The following PCDH11Y variants were observed in gnomAD, a reference collection of about 807,000 sequenced individuals.
The protein encoded by PCDH11Y is protocadherin-11 Y-linked.
For missense variants in PCDH11Y, 12 were observed against 224.8 expected, an observed-to-expected ratio of 0.05 and a Z score of 6.05; for synonymous variants, 9 against 83.6, an observed-to-expected ratio of 0.11 and a Z score of 4.87.
At chrY:5,012,058 T>A in intron 1 of PCDH11Y, among the ~76,000 whole-genome samples, 1 of 26,486 alleles carries the variant, frequency 3.8e-5, no homozygotes, top group Non-Finnish European at 8.8e-5. Context: ...CTCAGTGAGA[T>A]AAAGGGCCAA....
At chrY:5,665,674 C>A (rs2053544193) in intron 4 of PCDH11Y, among the ~76,000 whole-genome samples, 1 of 33,302 alleles carries the variant, frequency 3.0e-5, no homozygotes, top group Non-Finnish European at 7.5e-5. Flanking sequence ...AAATGTAAAT[C>A]ATATTACTTG....
chrY:5,259,993 A>G, intron 2 of PCDH11Y, among the ~76,000 whole-genome samples: 1 of 29,005 alleles, frequency 3.4e-5, no homozygotes, highest in East Asian at 9.0e-4. Flanking sequence ...TTTTTCCTTC[A>G]GCACTTTAAA....
At chrY:5,582,495 T>C (rs2124697543) in intron 4 of PCDH11Y, among the ~76,000 whole-genome samples, 1 of 31,177 alleles carries the variant, frequency 3.2e-5, no homozygotes, top group African/African-American at 1.2e-4. Flanking sequence ...CACATTTCTT[T>C]GTTGTCCACT....
chrY:5,242,890 A>G, intron 2 of PCDH11Y, among the ~76,000 whole-genome samples: 1 of 34,009 alleles, frequency 2.9e-5, no homozygotes, highest in Admixed American at 2.7e-4. Context: ...AATCAATATT[A>G]ACATCTGCAA....
intron 3 of PCDH11Y, among the ~76,000 whole-genome samples, chrY:5,580,556 C>T: frequency 9.4e-5 from 3 of 32,042 alleles, no homozygotes; most frequent in Non-Finnish European, 1.5e-4. Context: ...TGGGGAATTG[C>T]AAAATTCTAT....
chrY:5,514,700 A>AGCACACAAGACATGT, intron 3 of PCDH11Y, among the ~76,000 whole-genome samples: 2 of 33,124 alleles, frequency 6.0e-5, no homozygotes, highest in East Asian at 7.8e-4. Flanking sequence ...TTTCTTGTGT[A>AGCACACAAGACATGT]GACATGGCAG....
chrY:5,340,486 A>T, intron 2 of PCDH11Y, among the ~76,000 whole-genome samples: 1 of 30,829 alleles, frequency 3.2e-5, no homozygotes, highest in Non-Finnish European at 7.8e-5. Flanking sequence ...ACCATCACAG[A>T]TTTCTACTAC....
chrY:5,318,743 G>T (rs2053109749), intron 2 of PCDH11Y, among the ~76,000 whole-genome samples: 1 of 30,931 alleles, frequency 3.2e-5, no homozygotes, highest in Non-Finnish European at 7.8e-5. Context: ...GTGTGTGTGT[G>T]TGTATAAACC....
At chrY:5,383,590 C>T in intron 2 of PCDH11Y, among the ~76,000 whole-genome samples, 1 of 33,175 alleles carries the variant, frequency 3.0e-5, no homozygotes, top group South Asian at 6.7e-4. Flanking sequence ...TTAAGATTGC[C>T]GAATGGTAAT....
At chrY:5,339,327 C>CATTTATTT (rs762729992) in intron 2 of PCDH11Y, among the ~76,000 whole-genome samples, 56 of 29,708 alleles carry the variant, frequency 1.9e-3, no homozygotes, top group South Asian at 7.0e-3. Flanking sequence ...CTGTCCTTTC[C>CATTTATTT]ATTTATTTAT....
intron 2 of PCDH11Y, among the ~76,000 whole-genome samples, chrY:5,165,908 G>A (rs1602878682): frequency 9.3e-5 from 3 of 32,141 alleles, no homozygotes; most frequent in African/African-American, 3.6e-4. Context: ...GAAGAAAGAC[G>A]AAATATTTTG....
At chrY:5,039,973 T>TA (rs2052604847) in intron 3 of PCDH11Y, among the ~76,000 whole-genome samples, 2 of 29,695 alleles carry the variant, frequency 6.7e-5, no homozygotes, top group South Asian at 1.6e-3. Flanking sequence ...CCATCTCTAC[T>TA]AAAAAAAAAT....
chrY:5,122,903 A>G (rs2052820231), intron 2 of PCDH11Y, among the ~76,000 whole-genome samples: 1 of 32,657 alleles, frequency 3.1e-5, no homozygotes, highest in Non-Finnish European at 7.5e-5. Flanking sequence ...AGTATGTCTT[A>G]GAATAGCTCA....
chrY:5,449,438 C>A (rs2053291056), intron 2 of PCDH11Y, among the ~76,000 whole-genome samples: 2 of 32,973 alleles, frequency 6.1e-5, no homozygotes, highest in African/African-American at 2.4e-4. Flanking sequence ...ACTCTTCATC[C>A]AACATGAGAG....
chrY:5,532,085 G>A, intron 3 of PCDH11Y, among the ~76,000 whole-genome samples: 2 of 29,537 alleles, frequency 6.8e-5, no homozygotes. Flanking sequence ...CTTACAAATT[G>A]TGATATGCTT....
Position 5,665,141 on chromosome Y carries a change from T to C in PCDH11Y, c.3353-72131T>C, listed in dbSNP as rs201650287. Among the ~76,000 whole-genome samples the C allele has an allele frequency of 1.3e-3, 44 of 32,700 alleles. No individual in the cohort carries two copies. In the East Asian group the frequency reaches 0.035, roughly 26 times the overall value. 87.7% of individuals were successfully genotyped at this position (32,700 alleles called of 37,273 possible). On this transcript the variant is annotated intron_variant, in intron 4 of 4. Transcript: ENST00000400457. Reference sequence around the variant, plus strand: ...TATCATTTTCTGCTAAATTGTATGATATGGTGTAGGGGAAGTATTATCACT... The same window carrying C: ...TATCATTTTCTGCTAAATTGTATGACATGGTGTAGGGGAAGTATTATCACT...
At chrY:5,308,818 C>T in intron 2 of PCDH11Y, among the ~76,000 whole-genome samples, 4 of 32,951 alleles carry the variant, frequency 1.2e-4, no homozygotes, top group Non-Finnish European at 3.0e-4. Flanking sequence ...CAGTGGCTAA[C>T]GCCTGTAATC....
chrY:5,716,578 T>A (rs2053590156), intron 4 of PCDH11Y, among the ~76,000 whole-genome samples: 1 of 32,687 alleles, frequency 3.1e-5, no homozygotes, highest in Non-Finnish European at 7.5e-5. Context: ...ACAAAAAAAA[T>A]TTCAGAGAAC....
At chrY:5,353,436 G>A (rs2558194) in intron 2 of PCDH11Y, among the ~76,000 whole-genome samples, 1 of 32,130 alleles carries the variant, frequency 3.1e-5, no homozygotes, top group South Asian at 6.8e-4. Flanking sequence ...CAATAATTTC[G>A]TATTAATAGA....
Sources: allele counts gnomAD v4.1 joint callset (sites outside exome capture counted in the v4.1 genomes callset), GRCh38; gene constraint gnomAD v4.1.1; transcripts MANE v1.5; gene names NCBI Gene and HGNC (gene_info 2026-07-23, HGNC 2026-07-21).